The following INVS variants were observed in gnomAD, a reference collection of about 807,000 sequenced individuals.
INVS encodes the protein inversion of embryo turning homolog.
Under a neutral mutation model 108.8 loss-of-function variants are expected in INVS, and 86 were observed. The observed-to-expected ratio is 0.79, with a 90% CI of 0.66 to 0.95. The LOEUF (loss-of-function observed/expected upper bound fraction) is 0.95. Ranked by LOEUF, INVS falls within the 40% of genes least tolerant of loss-of-function variation. The pLI is 0.00. For missense variants in INVS, 1,169 were observed against 1,297.4 expected (o/e 0.90, Z 1.52); for synonymous variants, 455 against 473.5 (o/e 0.96, Z 0.51).
rs146901872 is a variant in INVS, at chr9:100,292,535, T to G, written c.2278T>G (p.Ser760Ala). ...VAGPDEKGED[S>A]RRAAASLPPH... ...TGGGCCTGATGAGAAAGGAGAGGAC[T>G]CCAGGCGGGCAGCTGCAAGCCTTCC... The change falls in exon 14 of 17, where the codon TCC becomes GCC. Residue 760 changes from serine to alanine, a missense_variant. Transcript: ENST00000262457. 2.2e-4 allele frequency: 359 copies of G among 1,613,974 alleles called. 1 individual carries two copies. The highest frequency in any genetic ancestry group is 1.4e-4 in the Non-Finnish European group (166 of 1,180,028).
chr9:100,213,414 C>T (rs1008623714), intron 3 of INVS, among the ~76,000 whole-genome samples: 3 of 151,772 alleles, frequency 2.0e-5, no homozygotes, highest in Admixed American at 1.3e-4. Flanking sequence ...CTATGTGGCT[C>T]AGGCTGGTTT....
intron 12 of INVS, among the ~76,000 whole-genome samples, chr9:100,279,370 C>T (rs890792784): frequency 1.1e-4 from 17 of 152,182 alleles, no homozygotes; most frequent in Admixed American, 2.6e-4. Context: ...GGGAATCCTT[C>T]TACCAGCCAA....
intron 5 of INVS, among the ~76,000 whole-genome samples, chr9:100,231,171 C>T (rs1011021444): frequency 6.6e-6 from 1 of 152,064 alleles, no homozygotes; most frequent in Non-Finnish European, 1.5e-5. Context: ...CTATGATAGT[C>T]CAATAGTTAG....
chr9:100,264,775 CA>C, intron 10 of INVS, 46 bp from the exon 11 acceptor site: 1 of 1,290,654 alleles, frequency 7.7e-7, no homozygotes, highest in African/African-American at 1.5e-5. Flanking sequence ...ACCACATATC[CA>C]AAAATACTTA....
intron 3 of INVS, among the ~76,000 whole-genome samples, chr9:100,168,455 G>A (rs1361307829): frequency 6.6e-6 from 1 of 152,196 alleles, no homozygotes; most frequent in African/African-American, 2.4e-5. Context: ...ATAAAGTGCT[G>A]TCTAATTTGG....
At chr9:100,104,403 A>C in intron 1 of INVS, 95 bp from the exon 2 acceptor site, 2 of 724,960 alleles carry the variant, frequency 2.8e-6, no homozygotes, top group South Asian at 3.0e-5. Flanking sequence ...AAGTATTTCT[A>C]GTAAGCCATA....
At chr9:100,276,748 A>C (rs1188762741) in intron 12 of INVS, among the ~76,000 whole-genome samples, 1 of 151,960 alleles carries the variant, frequency 6.6e-6, no homozygotes, top group Non-Finnish European at 1.5e-5. Flanking sequence ...ACCTCAACCC[A>C]CCCACCTCAG....
At chr9:100,264,317 C>T (rs564212659) in intron 10 of INVS, among the ~76,000 whole-genome samples, 2 of 152,160 alleles carry the variant, frequency 1.3e-5, no homozygotes, top group South Asian at 4.2e-4. Context: ...ATATGATGCC[C>T]CTTATCACAG....
chr9:100,111,017 T>C (rs1170979413), intron 2 of INVS, among the ~76,000 whole-genome samples: 1 of 152,236 alleles, frequency 6.6e-6, no homozygotes, highest in Non-Finnish European at 1.5e-5. Context: ...CCAAATTATC[T>C]GATGATGAAT....
intron 6 of INVS, among the ~76,000 whole-genome samples, chr9:100,241,120 A>G (rs1001601305): frequency 3.3e-5 from 5 of 152,028 alleles, no homozygotes; most frequent in Non-Finnish European, 2.9e-5. Context: ...TATAATCTTG[A>G]TCTTAGTTTT....
chr9:100,134,594 A>G (rs986217902), intron 3 of INVS, among the ~76,000 whole-genome samples: 5 of 152,150 alleles, frequency 3.3e-5, no homozygotes, highest in Admixed American at 1.3e-4. Context: ...CGCCCCATCC[A>G]TGCCAACATC....
At chr9:100,191,319 C>T (rs1269355037) in intron 3 of INVS, among the ~76,000 whole-genome samples, 1 of 152,126 alleles carries the variant, frequency 6.6e-6, no homozygotes, top group Non-Finnish European at 1.5e-5. Flanking sequence ...ACTAGTGATT[C>T]TTTGGTTTGG....
At chr9:100,125,294 C>T (rs1360275564) in intron 2 of INVS, among the ~76,000 whole-genome samples, 3 of 152,160 alleles carry the variant, frequency 2.0e-5, no homozygotes, top group African/African-American at 4.8e-5. Context: ...AAAAGAGGTG[C>T]AGTTTCTTTT....
chr9:100,124,110 A>G (rs939458638), intron 2 of INVS, among the ~76,000 whole-genome samples: 13 of 151,608 alleles, frequency 8.6e-5, no homozygotes, highest in Non-Finnish European at 1.2e-4. Context: ...TGCTGGGTCT[A>G]TGTTGTGTTT....
At chr9:100,191,206 C>T (rs578025311) in intron 3 of INVS, among the ~76,000 whole-genome samples, 4 of 152,150 alleles carry the variant, frequency 2.6e-5, no homozygotes, top group South Asian at 2.1e-4. Flanking sequence ...TTCAGTTTCT[C>T]GTGTTTGGTT....
chr9:100,264,945 T>TC lies in INVS; in HGVS notation c.1571+17_1571+18insC. The TC allele has an allele frequency of 2.3e-6, 1 of 433,396 alleles. No individual in the cohort carries two copies. Among genetic ancestry groups the TC allele is most frequent in the Non-Finnish European group, 3.7e-6 (1 of 272,328 alleles). The allele number at this position is 433,396 out of a possible 1,614,324, so 26.8% of individuals were successfully genotyped here. A position where few individuals can be genotyped will look rare whatever the true frequency, so the allele number is the denominator to read the frequency against. On this transcript the variant is annotated intron_variant, in intron 11 of 16. Coordinates refer to ENST00000262457, the MANE Select transcript of INVS (RefSeq NM_014425.5). The stretch of plus-strand genomic sequence containing the variant: ...TGAAGAGAGGTAAGTTGTTGTTGAC[T>TC]TTTTTTTTTTTTTTTGAGATGGCTT...
At chr9:100,278,869 T>C (rs1489394439) in intron 12 of INVS, among the ~76,000 whole-genome samples, 1 of 152,240 alleles carries the variant, frequency 6.6e-6, no homozygotes, top group East Asian at 1.9e-4. Flanking sequence ...ATATTGGTCA[T>C]GAGAAAATTA....
In INVS at chr9:100,229,831, A is replaced by G; in HGVS notation, c.615+4A>G. ...TCACACAGTGAGATGCATTCTGGTG[A>G]GTTGAATGGTACTGCTAGACCTGAA... On this transcript the variant is annotated splice_donor_region_variant and intron_variant, in intron 5 of 16. Coordinates refer to ENST00000262457, the MANE Select transcript of INVS (RefSeq NM_014425.5). The G allele has an allele frequency of 6.2e-7, 1 of 1,614,028 alleles. No individual in the cohort carries two copies. Among genetic ancestry groups the G allele is most frequent in the African/African-American group, 1.3e-5 (1 of 75,064 alleles).
chr9:100,270,256 G>A (rs1039969807), intron 11 of INVS, among the ~76,000 whole-genome samples: 4 of 152,122 alleles, frequency 2.6e-5, no homozygotes, highest in Non-Finnish European at 5.9e-5. Flanking sequence ...ATGGATGATA[G>A]CTATTTTCCT....
Sources: gnomAD v4.1 joint callset for allele counts (sites outside exome capture counted in the v4.1 genomes callset) on GRCh38, gnomAD v4.1.1 for gene constraint, MANE v1.5 for transcripts, NCBI Gene and HGNC (gene_info 2026-07-23, HGNC 2026-07-21) for gene names.